The following MARK1 variants were observed in gnomAD, a reference collection of about 807,000 sequenced individuals.
MARK1 encodes microtubule affinity regulating kinase 1.
A neutral mutation model predicts 96.3 loss-of-function variants in MARK1; 40 were observed. The observed-to-expected ratio is 0.42, with a 90% CI of 0.32 to 0.54. The LOEUF (loss-of-function observed/expected upper bound fraction) is 0.54. MARK1 is among the 20% of genes least tolerant of loss of function. The pLI is 0.16. For missense variants in MARK1, 719 were observed against 984.6 expected (o/e 0.73, Z 3.61); for synonymous variants, 317 against 341.2 (o/e 0.93, Z 0.78).
At chr1:220,589,803 A>C (rs916602736) in intron 3 of MARK1, among the ~76,000 whole-genome samples, 1 of 152,182 alleles carries the variant, frequency 6.6e-6, no homozygotes, top group African/African-American at 2.4e-5. Context: ...AAAGAAAAAG[A>C]ACTGAAAATT....
Position 220,586,903 on chromosome 1 carries a change from G to A in MARK1, c.309+5785G>A, listed in dbSNP as rs535404840. Reference sequence around the variant, plus strand: ...TAGTCTATTTTTAATTTTTGGATGGGGACTTCAAAATGTCTTTCCCATTTT... The same window carrying A: ...TAGTCTATTTTTAATTTTTGGATGGAGACTTCAAAATGTCTTTCCCATTTT... On this transcript the variant is annotated intron_variant, in intron 3 of 17. Coordinates refer to ENST00000366917, the MANE Select transcript of MARK1 (RefSeq NM_018650.5). Among the ~76,000 whole-genome samples the A allele has an allele frequency of 6.6e-5, 10 of 151,888 alleles. No homozygotes were observed. In the South Asian group the frequency reaches 1.2e-3, roughly 19 times the overall value.
chr1:220,658,402 C>A (rs1473271228), intron 17 of MARK1, among the ~76,000 whole-genome samples: 1 of 151,800 alleles, frequency 6.6e-6, no homozygotes, highest in East Asian at 1.9e-4. Context: ...GTTGCTGGAT[C>A]CCACTCCCAG....
intron 9 of MARK1, among the ~76,000 whole-genome samples, chr1:220,620,838 A>C (rs1667017188): frequency 6.6e-6 from 1 of 152,126 alleles, no homozygotes; most frequent in Non-Finnish European, 1.5e-5. Flanking sequence ...AGATATTACT[A>C]TACAAAGGCT....
At chr1:220,635,264 G>A (rs2103014798) in intron 11 of MARK1, 112 bp from the exon 12 acceptor site, 2 of 1,047,438 alleles carry the variant, frequency 1.9e-6, no homozygotes, top group Middle Eastern at 6.5e-4. Context: ...TTTCAGTTTG[G>A]ATTACTTCTT....
rs1553322886 is a variant in MARK1 at position 220,585,984 on chromosome 1, T to TACACACACACACAC, written c.309+4881_309+4894dup. On this transcript the variant is annotated intron_variant, in intron 3 of 17. Coordinates refer to ENST00000366917, the MANE Select transcript of MARK1 (RefSeq NM_018650.5). The stretch of plus-strand genomic sequence containing the variant: ...CAACTGCATCCACTTTACATACGTA[T>TACACACACACACAC]ACACACACACACACACACACACACA... 1.4e-3 allele frequency among the ~76,000 whole-genome samples: 76 copies of TACACACACACACAC among 52,894 alleles called. No individual in the cohort carries two copies. The South Asian group carries it at 0.014, about 10-fold the overall frequency. 34.7% of individuals were successfully genotyped at this position (52,894 alleles called of 152,430 possible).
intron 9 of MARK1, among the ~76,000 whole-genome samples, chr1:220,624,698 T>C (rs534339929): frequency 6.6e-5 from 10 of 152,322 alleles, no homozygotes; most frequent in African/African-American, 2.4e-4. Context: ...ATATTTTTTC[T>C]GACAGGAACA....
At chr1:220,620,137 AT>A (rs983453392) in intron 9 of MARK1, among the ~76,000 whole-genome samples, 9 of 152,098 alleles carry the variant, frequency 5.9e-5, no homozygotes, top group African/African-American at 2.2e-4. Context: ...AATTATCATG[AT>A]TTTTTTACCG....
chr1:220,627,283 G>A lies in MARK1; in HGVS notation c.910-3752G>A, dbSNP rs1191651741. The A allele has an allele frequency of 6.8e-5, 34 of 501,944 alleles. No homozygotes were observed. The Admixed American group carries it at 7.8e-4, about 11-fold the overall frequency. 31.1% of individuals were successfully genotyped at this position (501,944 alleles called of 1,614,324 possible). Reference sequence around the variant, plus strand: ...GTTCTCTGACTCTGATGAGGTGAGAGAGGGTGGCCACAAGAACTCTTCCAA... The same window carrying A: ...GTTCTCTGACTCTGATGAGGTGAGAAAGGGTGGCCACAAGAACTCTTCCAA... On this transcript the variant is annotated intron_variant, in intron 9 of 17. Coordinates refer to ENST00000366917, the MANE Select transcript of MARK1 (RefSeq NM_018650.5).
At chr1:220,660,323 G>A (rs1445321048) in intron 17 of MARK1, among the ~76,000 whole-genome samples, 1 of 152,048 alleles carries the variant, frequency 6.6e-6, no homozygotes, top group African/African-American at 2.4e-5. Flanking sequence ...AATGGTCTTT[G>A]GAAATTTATT....
rs1666907302 is a variant in MARK1 at position 220,618,932 on chromosome 1, G to A, written c.909+177G>A. Among the ~76,000 whole-genome samples the A allele has an allele frequency of 1.3e-5, 2 of 152,106 alleles. No homozygotes were observed. The highest frequency in any genetic ancestry group is 4.8e-5 in the African/African-American group (2 of 41,402). ...TTCACTTTCAAAAGTTGCCACAGTA[G>A]CTGTCTCTAAAAACTATTATTTCCT... is the stretch of plus-strand genomic sequence containing the variant. On this transcript the variant is annotated intron_variant, in intron 9 of 17. Coordinates refer to ENST00000366917, the MANE Select transcript of MARK1 (RefSeq NM_018650.5). The surrounding 1 kb of genome is among the most constrained non-coding windows in gnomAD (Gnocchi z 4.6).
intron 13 of MARK1, among the ~76,000 whole-genome samples, chr1:220,644,459 C>T (rs373282144): frequency 2.2e-5 from 3 of 137,810 alleles, no homozygotes; most frequent in East Asian, 2.3e-4. Context: ...ACCCCCCCCC[C>T]CCCACACACA....
At chr1:220,553,560 A>G (rs1262274152) in intron 1 of MARK1, among the ~76,000 whole-genome samples, 4 of 152,208 alleles carry the variant, frequency 2.6e-5, no homozygotes, top group Admixed American at 2.0e-4. Context: ...AGCTTTATCT[A>G]ATACATACCA....
intron 1 of MARK1, among the ~76,000 whole-genome samples, chr1:220,530,308 T>A (rs1399582489): frequency 6.6e-6 from 1 of 152,174 alleles, no homozygotes; most frequent in African/African-American, 2.4e-5. Flanking sequence ...GAAAATATAA[T>A]TGATACATAA....
chr1:220,586,217 C>T (rs151299613), intron 3 of MARK1, among the ~76,000 whole-genome samples: 6 of 152,062 alleles, frequency 3.9e-5, no homozygotes, highest in East Asian at 3.9e-4. Flanking sequence ...ATGAACTCGC[C>T]GTAGCTTCTC....
At chr1:220,602,577 G>A (rs1453766392) in intron 5 of MARK1, among the ~76,000 whole-genome samples, 1 of 151,964 alleles carries the variant, frequency 6.6e-6, no homozygotes, top group Non-Finnish European at 1.5e-5. Context: ...ATCTTTCCTA[G>A]CCTAAACTCA....
rs190718479 is a variant in MARK1, at chr1:220,575,355, G to A, written c.52-3999G>A. ...AAATTCATAGACATGCTGTAATTGA[G>A]CTAACATAATTTCTTCTATTTAACA... On this transcript the variant is annotated intron_variant, in intron 1 of 17. Transcript: ENST00000366917. Among the ~76,000 whole-genome samples the A allele has an allele frequency of 3.2e-4, 48 of 152,296 alleles. No individual in the cohort carries two copies. The South Asian group carries it at 5.2e-3, about 16-fold the overall frequency.
At chr1:220,590,801 A>G (rs1000989321) in intron 3 of MARK1, among the ~76,000 whole-genome samples, 3 of 152,076 alleles carry the variant, frequency 2.0e-5, no homozygotes, top group African/African-American at 7.2e-5. Context: ...AAACCCACGC[A>G]CATCTTCTTG....
chr1:220,581,265 G>A, intron 3 of MARK1, 147 bp downstream of exon 3: 1 of 349,034 alleles, frequency 2.9e-6, no homozygotes, highest in Non-Finnish European at 5.4e-6. Context: ...AAAATGTAAT[G>A]TTTATGACTT....
At chr1:220,621,035 C>CT (rs1667027774) in intron 9 of MARK1, among the ~76,000 whole-genome samples, 1 of 152,032 alleles carries the variant, frequency 6.6e-6, no homozygotes, top group Admixed American at 6.5e-5. Context: ...AACCTGTAAA[C>CT]TTTTTTAAAG....
Sources: allele counts gnomAD v4.1 joint callset (sites outside exome capture counted in the v4.1 genomes callset), GRCh38; gene constraint gnomAD v4.1.1; non-coding constraint Gnocchi (gnomAD v3.1); transcripts MANE v1.5; gene names NCBI Gene and HGNC (gene_info 2026-07-23, HGNC 2026-07-21).